Variants in ESRRB observed in about 807,000 individuals in gnomAD.
The protein encoded by ESRRB is estrogen related receptor beta, also known as steroid hormone receptor ERR2.
Under a neutral mutation model 46.0 loss-of-function variants are expected in ESRRB, and 16 were observed. The observed-to-expected ratio is 0.35, with a 90% CI of 0.24 to 0.53. ESRRB has a LOEUF of 0.53. ESRRB is among the 20% of genes least tolerant of loss of function. The pLI is 0.93. For missense variants in ESRRB, 488 were observed against 607.4 expected (o/e 0.80, Z 2.07); for synonymous variants, 246 against 259.6 (o/e 0.95, Z 0.50).
intron 1 of ESRRB, among the ~76,000 whole-genome samples, chr14:76,355,523 A>G (rs1459602330): frequency 1.3e-5 from 2 of 152,086 alleles, no homozygotes; most frequent in African/African-American, 4.8e-5. Flanking sequence ...AATGTGGATC[A>G]TTTGCAAGAC....
chr14:76,409,458 T>G (rs1301597584), intron 1 of ESRRB, among the ~76,000 whole-genome samples: 1 of 152,052 alleles, frequency 6.6e-6, no homozygotes, highest in African/African-American at 2.4e-5. Flanking sequence ...AAGGATGCCG[T>G]GGCGACGGTC....
At chr14:76,491,295 A>ACACAGGGAAAGCCTGGGGGCAGGATC in intron 5 of ESRRB, 152 bp from the exon 6 acceptor site, 1 of 711,904 alleles carries the variant, frequency 1.4e-6, no homozygotes, top group South Asian at 1.8e-5. Context: ...GTCTTACGCT[A>ACACAGGGAAAGCCTGGGGGCAGGATC]CACAGGGAAA....
At chr14:76,354,911 A>G (rs367862625) in intron 1 of ESRRB, among the ~76,000 whole-genome samples, 113 of 151,654 alleles carry the variant, frequency 7.5e-4, no homozygotes, top group African/African-American at 2.5e-3. Context: ...AACGTTCACC[A>G]TGTTGGCCAG....
chr14:76,468,389 TG>T (rs1889212229), intron 3 of ESRRB, among the ~76,000 whole-genome samples: 2 of 134,816 alleles, frequency 1.5e-5, no homozygotes, highest in African/African-American at 5.8e-5. Context: ...CTACACACAC[TG>T]CCCCCCCCCC....
chr14:76,336,078 G>A (rs879474113), intron 1 of ESRRB, among the ~76,000 whole-genome samples: 14 of 152,178 alleles, frequency 9.2e-5, no homozygotes, highest in Non-Finnish European at 1.3e-4. Flanking sequence ...TAAACACGCC[G>A]TGTCATCCTG....
At chr14:76,360,197 A>G (rs1884446231) in intron 1 of ESRRB, among the ~76,000 whole-genome samples, 1 of 152,000 alleles carries the variant, frequency 6.6e-6, no homozygotes, top group Non-Finnish European at 1.5e-5. Flanking sequence ...GCACTGTCAC[A>G]TTGCTCTGCT....
chr14:76,457,851 TG>T (rs1476534682), intron 2 of ESRRB, among the ~76,000 whole-genome samples: 1 of 152,084 alleles, frequency 6.6e-6, no homozygotes, highest in Non-Finnish European at 1.5e-5. Flanking sequence ...TTTTTTATAT[TG>T]TTGGTAGAGA....
intron 3 of ESRRB, among the ~76,000 whole-genome samples, chr14:76,476,739 C>G (rs534821979): frequency 6.6e-6 from 1 of 151,198 alleles, no homozygotes; most frequent in Non-Finnish European, 1.5e-5. Context: ...GCGGCAGGGG[C>G]GCTCCAGCTC....
chr14:76,366,123 T>C (rs1884519609), intron 1 of ESRRB, among the ~76,000 whole-genome samples: 1 of 152,190 alleles, frequency 6.6e-6, no homozygotes, highest in Non-Finnish European at 1.5e-5. Context: ...CCAGTCATGG[T>C]GGACTATTTC....
At chr14:76,319,024 T>C (rs1484059610) in intron 1 of ESRRB, among the ~76,000 whole-genome samples, 2 of 152,218 alleles carry the variant, frequency 1.3e-5, no homozygotes, top group African/African-American at 2.4e-5. Flanking sequence ...CATCCTTCCA[T>C]TGCCTGTCTG....
intron 1 of ESRRB, among the ~76,000 whole-genome samples, chr14:76,429,471 C>A (rs1389555639): frequency 6.6e-6 from 1 of 152,076 alleles, no homozygotes; most frequent in Non-Finnish European, 1.5e-5. Context: ...GCAGTTCAGG[C>A]CGGGCGCAGT....
At chr14:76,447,286 C>T (rs964484287) in intron 2 of ESRRB, among the ~76,000 whole-genome samples, 3 of 102,370 alleles carry the variant, frequency 2.9e-5, no homozygotes, top group South Asian at 5.7e-4. Context: ...TCCTTCCTTC[C>T]TTCCTTCCTT....
Position 76,464,674 on chromosome 14 carries a change from C to T in ESRRB, c.577+2013C>T, listed in dbSNP as rs149161272. 3.3e-5 allele frequency among the ~76,000 whole-genome samples: 5 copies of T among 152,250 alleles called. No individual in the cohort carries two copies. In the East Asian group the frequency reaches 5.8e-4, roughly 18 times the overall value. ...TTTCCAGATTAAAAATGGGCTACAT[C>T]GAGCCCGCAGAAAGGCTGTCTGTTG... On this transcript the variant is annotated intron_variant, in intron 3 of 6. Transcript: ENST00000644823.
rs1457563333 is a variant in ESRRB, at chr14:76,482,973, C to T, written c.850+214C>T. On this transcript the variant is annotated intron_variant, in intron 5 of 6. Coordinates refer to ENST00000644823, the MANE Select transcript of ESRRB (RefSeq NM_001379180.1). The surrounding 1 kb of genome is among the most constrained non-coding windows in gnomAD (Gnocchi z 4.3). ...ACCCAGTGAGGCTTATACACTGCTG[C>T]AGGCTCTTCAGAATTAGTTATCATT... Among the ~76,000 whole-genome samples, 3 of 152,212 alleles carry T rather than the reference C, an allele frequency of 2.0e-5. No homozygotes were observed. The highest frequency in any genetic ancestry group is 7.2e-5 in the African/African-American group (3 of 41,442).
chr14:76,424,258 G>C (rs1887101726), intron 1 of ESRRB, among the ~76,000 whole-genome samples: 1 of 152,200 alleles, frequency 6.6e-6, no homozygotes, highest in Non-Finnish European at 1.5e-5. Context: ...GCTGGCTACA[G>C]TGGCCAGTCT....
chr14:76,355,368 C>T (rs1884367172), intron 1 of ESRRB, among the ~76,000 whole-genome samples: 1 of 152,164 alleles, frequency 6.6e-6, no homozygotes, highest in Non-Finnish European at 1.5e-5. Flanking sequence ...TCCCTCACTC[C>T]CCATTGCCCA....
chr14:76,400,371 C>A (rs1335480919), intron 1 of ESRRB, among the ~76,000 whole-genome samples: 1 of 152,180 alleles, frequency 6.6e-6, no homozygotes, highest in Admixed American at 6.5e-5. Context: ...GGCAGATGGA[C>A]TTCCATCTGA....
At chr14:76,330,206 C>T (rs960809031) in intron 1 of ESRRB, among the ~76,000 whole-genome samples, 1 of 152,138 alleles carries the variant, frequency 6.6e-6, no homozygotes. Flanking sequence ...AGCGTTTACC[C>T]TCTGGGGCCC....
At chr14:76,381,256 G>A (rs192861850) in intron 1 of ESRRB, among the ~76,000 whole-genome samples, 25 of 152,228 alleles carry the variant, frequency 1.6e-4, no homozygotes, top group Non-Finnish European at 2.4e-4. Context: ...CCAGCTCTGG[G>A]GGACTGGGAG....
Sources: gnomAD v4.1 joint callset for allele counts (sites outside exome capture counted in the v4.1 genomes callset) on GRCh38, gnomAD v4.1.1 for gene constraint, Gnocchi (gnomAD v3.1) non-coding constraint, MANE v1.5 for transcripts, NCBI Gene and HGNC (gene_info 2026-07-23, HGNC 2026-07-21) for gene names.